The following MACROD2 variants were observed in gnomAD, a reference collection of about 807,000 sequenced individuals.
MACROD2 encodes the protein mono-ADP ribosylhydrolase 2.
A neutral mutation model predicts 70.4 loss-of-function variants in MACROD2; 36 were observed. The observed-to-expected ratio is 0.51, with a 90% confidence interval of 0.39 to 0.68. The LOEUF (loss-of-function observed/expected upper bound fraction) is 0.68. Ranked by LOEUF, MACROD2 falls within the 30% of genes least tolerant of loss-of-function variation. The pLI, the probability that MACROD2 is intolerant of heterozygous loss-of-function variation, is 0.00. For synonymous variants in MACROD2, 172 were observed against 178.8 expected (o/e 0.96, Z 0.30); for missense variants, 496 against 538.4 (o/e 0.92, Z 0.78).
chr20:15,006,990 A>G (rs2075042946), intron 5 of MACROD2, among the ~76,000 whole-genome samples: 2 of 151,772 alleles, frequency 1.3e-5, no homozygotes, highest in Non-Finnish European at 2.9e-5. Flanking sequence ...CAAAATTTTG[A>G]TAAAAGCCAA....
chr20:15,785,371 C>G (rs2051908077), intron 8 of MACROD2, among the ~76,000 whole-genome samples: 1 of 152,060 alleles, frequency 6.6e-6, no homozygotes, highest in African/African-American at 2.4e-5. Context: ...GAACTGACTC[C>G]TGCCGTCTTG....
At chr20:15,272,276 T>G (rs528700479) in intron 6 of MACROD2, among the ~76,000 whole-genome samples, 13 of 152,350 alleles carry the variant, frequency 8.5e-5, no homozygotes, top group Non-Finnish European at 1.3e-4. Context: ...ATTCTTTGTA[T>G]TCATTAAAAT....
chr20:14,151,506 T>C (rs916061457), intron 3 of MACROD2, among the ~76,000 whole-genome samples: 1 of 152,160 alleles, frequency 6.6e-6, no homozygotes, highest in Non-Finnish European at 1.5e-5. Flanking sequence ...AAAAGATACA[T>C]TGTTTTCATA....
chr20:14,457,519 C>T (rs1206293672), intron 3 of MACROD2, among the ~76,000 whole-genome samples: 1 of 152,054 alleles, frequency 6.6e-6, no homozygotes, highest in Non-Finnish European at 1.5e-5. Flanking sequence ...AGATTCTATC[C>T]GTTTATACTT....
intron 3 of MACROD2, among the ~76,000 whole-genome samples, chr20:14,393,608 C>T (rs1220666140): frequency 1.3e-5 from 2 of 152,156 alleles, no homozygotes; most frequent in Non-Finnish European, 2.9e-5. Flanking sequence ...CAGCTCCTCT[C>T]TCCCACCAAC....
intron 8 of MACROD2, among the ~76,000 whole-genome samples, chr20:15,845,928 A>G (rs1440071494): frequency 6.6e-6 from 1 of 152,190 alleles, no homozygotes; most frequent in African/African-American, 2.4e-5. Context: ...TATTCTCTTG[A>G]TCCGAACCTC....
intron 5 of MACROD2, among the ~76,000 whole-genome samples, chr20:15,014,857 T>C (rs968559500): frequency 3.9e-5 from 6 of 152,148 alleles, no homozygotes; most frequent in African/African-American, 1.4e-4. Context: ...TTTTATAAAA[T>C]ATATGATATT....
chr20:14,670,090 C>A (rs756727373), intron 4 of MACROD2, among the ~76,000 whole-genome samples: 1 of 151,772 alleles, frequency 6.6e-6, no homozygotes, highest in Non-Finnish European at 1.5e-5. Flanking sequence ...GGTATGTTGC[C>A]GAGCTTTTGA....
rs2084341275 is a variant in MACROD2, at chr20:14,459,388, C to T, written c.272-34091C>T. Among the ~76,000 whole-genome samples the T allele has an allele frequency of 2.0e-5, 3 of 151,770 alleles. No individual in the cohort carries two copies. In the South Asian group the frequency reaches 6.2e-4, roughly 32 times the overall value. Reference sequence around the variant, plus strand: ...ATATACATGGGTGCAAGAGAAGTGACATCGGAAGAAAAAGTACACATTTTT... The same window carrying T: ...ATATACATGGGTGCAAGAGAAGTGATATCGGAAGAAAAAGTACACATTTTT... On this transcript the variant is annotated intron_variant, in intron 3 of 17. Transcript: ENST00000684519.
intron 3 of MACROD2, among the ~76,000 whole-genome samples, chr20:14,485,569 C>T (rs963051326): frequency 7.2e-5 from 11 of 151,984 alleles, no homozygotes; most frequent in South Asian, 2.1e-4. Flanking sequence ...GGCGTGGTGG[C>T]AGGCACCTGT....
At chr20:15,151,718 G>A (rs1230763937) in intron 5 of MACROD2, among the ~76,000 whole-genome samples, 1 of 152,028 alleles carries the variant, frequency 6.6e-6, no homozygotes, top group Non-Finnish European at 1.5e-5. Context: ...AGGAAAAGGA[G>A]CATTAACCTT....
intron 5 of MACROD2, among the ~76,000 whole-genome samples, chr20:14,901,248 T>C (rs1472057172): frequency 6.6e-6 from 1 of 152,052 alleles, no homozygotes; most frequent in Non-Finnish European, 1.5e-5. Flanking sequence ...TTAGACAAAT[T>C]GTTTGAAGTT....
intron 3 of MACROD2, among the ~76,000 whole-genome samples, chr20:14,346,299 T>C (rs2083063946): frequency 6.6e-6 from 1 of 152,090 alleles, no homozygotes; most frequent in Non-Finnish European, 1.5e-5. Context: ...CGTATGAATG[T>C]AGTGTTTCTA....
intron 6 of MACROD2, among the ~76,000 whole-genome samples, chr20:15,409,741 A>T (rs1045999478): frequency 1.8e-4 from 27 of 152,214 alleles, no homozygotes; most frequent in Admixed American, 1.8e-3. Flanking sequence ...GATGGACTGC[A>T]TGAGCACATC....
intron 5 of MACROD2, among the ~76,000 whole-genome samples, chr20:15,021,077 T>C (rs1282543203): frequency 1.9e-4 from 26 of 134,860 alleles, no homozygotes; most frequent in Middle Eastern, 8.1e-3. Flanking sequence ...CACATGTGTG[T>C]ATGTGTATAC....
chr20:14,952,810 G>T (rs562893041), intron 5 of MACROD2, among the ~76,000 whole-genome samples: 2 of 151,964 alleles, frequency 1.3e-5, no homozygotes, highest in African/African-American at 2.4e-5. Context: ...GAAGTAAAAG[G>T]TTCAATATCT....
At chr20:14,524,437 C>G (rs1319703870) in intron 4 of MACROD2, among the ~76,000 whole-genome samples, 1 of 152,142 alleles carries the variant, frequency 6.6e-6, no homozygotes, top group East Asian at 1.9e-4. Context: ...TAAGCTTTTT[C>G]TTGAATAGCA....
chr20:15,981,156 C>A (rs1334570343), intron 13 of MACROD2, among the ~76,000 whole-genome samples: 2 of 152,156 alleles, frequency 1.3e-5, no homozygotes, highest in African/African-American at 4.8e-5. Context: ...ACTGGTCAGG[C>A]AGCTTAGCGT....
intron 3 of MACROD2, among the ~76,000 whole-genome samples, chr20:14,419,774 T>C (rs2083854899): frequency 6.6e-6 from 1 of 152,198 alleles, no homozygotes; most frequent in Non-Finnish European, 1.5e-5. Context: ...ATTGCTTCTA[T>C]TATTTCTTTT....
Sources: allele counts gnomAD v4.1 joint callset (sites outside exome capture counted in the v4.1 genomes callset), GRCh38; gene constraint gnomAD v4.1.1; transcripts MANE v1.5; gene names NCBI Gene and HGNC (gene_info 2026-07-23, HGNC 2026-07-21).